Variants in ALDH5A1 observed in about 807,000 individuals in gnomAD.
The protein encoded by ALDH5A1 is succinate-semialdehyde dehydrogenase, mitochondrial.
Under a neutral mutation model 54.7 loss-of-function variants are expected in ALDH5A1, and 33 were observed. That is an observed-to-expected ratio of 0.60 (90% CI 0.46 to 0.81). The LOEUF is 0.81. ALDH5A1 is among the 30% of genes least tolerant of loss of function. The probability of loss-of-function intolerance (pLI) is 0.00; values close to 1 mark genes in which losing one functional copy is unlikely to be tolerated. For synonymous variants in ALDH5A1, 294 were observed against 292.7 expected (o/e 1.00, Z -0.05); for missense variants, 657 against 711.0 (o/e 0.92, Z 0.86).
chr6:24,521,925 G>A (rs1032740877), intron 6 of ALDH5A1, among the ~76,000 whole-genome samples: 7 of 145,442 alleles, frequency 4.8e-5, no homozygotes, highest in Non-Finnish European at 8.9e-5. Context: ...GAAGTGTAGT[G>A]GCATGATGTC....
At chr6:24,517,051 G>C (rs1759588838) in intron 5 of ALDH5A1, among the ~76,000 whole-genome samples, 1 of 152,160 alleles carries the variant, frequency 6.6e-6, no homozygotes, top group African/African-American at 2.4e-5. Flanking sequence ...CTGTTGCCCA[G>C]GCTGGAGTGC....
intron 1 of ALDH5A1, among the ~76,000 whole-genome samples, chr6:24,499,760 T>C (rs1764784741): frequency 6.7e-6 from 1 of 149,202 alleles, no homozygotes; most frequent in South Asian, 2.1e-4. Context: ...CTCCGCCTCC[T>C]AGGTTCTCCT....
At chr6:24,508,376 A>T (rs377526958) in intron 4 of ALDH5A1, among the ~76,000 whole-genome samples, 28,067 of 87,986 alleles carry the variant, frequency 0.32, 5,323 homozygotes, top group Non-Finnish European at 0.42. Flanking sequence ...AAAAAAAAAA[A>T]AAAAAAAAAA....
In ALDH5A1 at chr6:24,532,419, A is replaced by G. The variant is rs79855228; in HGVS notation, c.1402+242A>G. 0.018 allele frequency among the ~76,000 whole-genome samples: 2,800 copies of G among 152,288 alleles called. 85 individuals carry two copies. Among genetic ancestry groups the G allele is most frequent in the African/African-American group, 0.06 (2,481 of 41,542 alleles). Reference sequence around the variant, plus strand: ...GCTGTGGGAAGAAGAGAAGGTGCACATTATTCTACTTTTCTAGGTGGAGAA... The same window carrying G: ...GCTGTGGGAAGAAGAGAAGGTGCACGTTATTCTACTTTTCTAGGTGGAGAA... On this transcript the variant is annotated intron_variant, in intron 9 of 9. Transcript: ENST00000357578.
chr6:24,532,280 C>G, intron 9 of ALDH5A1, 103 bp downstream of exon 9: 2 of 1,146,436 alleles, frequency 1.7e-6, no homozygotes, highest in Non-Finnish European at 2.6e-6. Context: ...ACAGAAACTT[C>G]AATGAGGTAT....
In ALDH5A1 at chr6:24,509,285, A is replaced by G. The variant is rs1225117488; in HGVS notation, c.726+4300A>G. ...TAAGTTCTTGATTCATCTTGAGTTTATTTTGTATAAGGTGAGCGATGAGGA... is the reference window on the plus strand; with the variant it reads ...TAAGTTCTTGATTCATCTTGAGTTTGTTTTGTATAAGGTGAGCGATGAGGA... On this transcript the variant is annotated intron_variant, in intron 4 of 9. Coordinates refer to ENST00000357578, the MANE Select transcript of ALDH5A1 (RefSeq NM_001080.3). This position sits in a 1 kb window ranked among gnomAD's most constrained non-coding sequence, Gnocchi z 4.7. Among the ~76,000 whole-genome samples, 1 of 152,106 alleles carries G rather than the reference A, an allele frequency of 6.6e-6. No homozygotes were observed. Among genetic ancestry groups the G allele is most frequent in the Non-Finnish European group, 1.5e-5 (1 of 67,994 alleles).
At chr6:24,532,847 T>C (rs1759961640) in intron 9 of ALDH5A1, among the ~76,000 whole-genome samples, 1 of 152,100 alleles carries the variant, frequency 6.6e-6, no homozygotes, top group South Asian at 2.1e-4. Flanking sequence ...AGAGTTATCG[T>C]AAAGCTGGAG....
chr6:24,532,062 A>G, intron 8 of ALDH5A1, 57 bp from the exon 9 acceptor site: 2 of 1,523,696 alleles, frequency 1.3e-6, no homozygotes, highest in Non-Finnish European at 1.8e-6. Flanking sequence ...AGAAAACAAA[A>G]CTGGTTTCCT....
rs1760054653 is a variant in ALDH5A1 at position 24,536,639 on chromosome 6, G to A, written c.*2927G>A. The A allele has an allele frequency of 6.6e-6, 1 of 152,202 alleles. No individual in the cohort carries two copies. The highest frequency in any genetic ancestry group is 2.4e-5 in the African/African-American group (1 of 41,458). 9.4% of individuals were successfully genotyped at this position (152,202 alleles called of 1,614,324 possible). Reference sequence around the variant, plus strand: ...GCATAGCTACCGTGAGTTCTCAGCAGGAACTTCCCAGCGATGATAATGTAC... The same window carrying A: ...GCATAGCTACCGTGAGTTCTCAGCAAGAACTTCCCAGCGATGATAATGTAC... On this transcript the variant is annotated 3_prime_UTR_variant, in exon 10 of 10. Coordinates refer to ENST00000357578, the MANE Select transcript of ALDH5A1 (RefSeq NM_001080.3).
rs368394825 is a variant in ALDH5A1 at position 24,520,552 on chromosome 6, C to T, written c.1014+8C>T. 2.4e-5 allele frequency: 38 copies of T among 1,613,674 alleles called. No homozygotes were observed. In the African/African-American group the frequency reaches 3.7e-4, roughly 16 times the overall value. On this transcript the variant is annotated splice_region_variant and intron_variant, in intron 6 of 9. Transcript: ENST00000357578. Reference sequence around the variant, plus strand: ...TTTAGGAACACTGGACAGGTGAGTCCTGGAGAGTATTTCAGGATGTGTGTT... The same window carrying T: ...TTTAGGAACACTGGACAGGTGAGTCTTGGAGAGTATTTCAGGATGTGTGTT...
In ALDH5A1 at chr6:24,534,453, G is replaced by C. The variant is rs2127391492; in HGVS notation, c.*741G>C. 1 of 152,608 alleles carries C rather than the reference G, an allele frequency of 6.6e-6. No homozygotes were observed. Among genetic ancestry groups the C allele is most frequent in the South Asian group, 2.1e-4 (1 of 4,832 alleles). The allele number at this position is 152,608 out of a possible 1,614,324, so 9.5% of individuals were successfully genotyped here. A position where few individuals can be genotyped will look rare whatever the true frequency, so the allele number is the denominator to read the frequency against. The stretch of plus-strand genomic sequence containing the variant: ...AAGTGTAAAGCAAAGAATAGCAGAA[G>C]CAGCTTGGTAGGATGGAAGGCACGC... On this transcript the variant is annotated 3_prime_UTR_variant, in exon 10 of 10. Transcript: ENST00000357578.
intron 5 of ALDH5A1, among the ~76,000 whole-genome samples, chr6:24,519,448 C>T (rs145885204): frequency 3.9e-4 from 59 of 152,084 alleles, no homozygotes; most frequent in African/African-American, 1.3e-3. Context: ...GTCTGTAATG[C>T]CAGCTACTCA....
chr6:24,515,120 T>TTTTTTTTTG, intron 4 of ALDH5A1, 47 bp from the exon 5 acceptor site: 1 of 1,531,010 alleles, frequency 6.5e-7, no homozygotes, highest in Non-Finnish European at 8.8e-7. Flanking sequence ...TTTTTTTTTT[T>TTTTTTTTTG]TCAGTTTGGT....
chr6:24,533,772 C>A lies in ALDH5A1; in HGVS notation c.*60C>A. 1 of 1,452,456 alleles carries A rather than the reference C, an allele frequency of 6.9e-7. No individual in the cohort carries two copies. Among genetic ancestry groups the A allele is most frequent in the Non-Finnish European group, 9.6e-7 (1 of 1,045,030 alleles). The allele number at this position is 1,452,456 out of a possible 1,614,324, so 90.0% of individuals were successfully genotyped here. A position where few individuals can be genotyped will look rare whatever the true frequency, so the allele number is the denominator to read the frequency against. On this transcript the variant is annotated 3_prime_UTR_variant, in exon 10 of 10. Transcript: ENST00000357578. ...ACTTATCTACATATATAGGTACATG[C>A]CATCCATTATTTTAAATAAACTAAT... is the stretch of plus-strand genomic sequence containing the variant.
chr6:24,514,365 T>C (rs1454854430), intron 4 of ALDH5A1, among the ~76,000 whole-genome samples: 1 of 152,214 alleles, frequency 6.6e-6, no homozygotes, highest in East Asian at 1.9e-4. Flanking sequence ...TTTCTTGGCA[T>C]CTCCTTTGAT....
chr6:24,520,076 T>C (rs966578770), intron 5 of ALDH5A1, among the ~76,000 whole-genome samples: 2 of 152,096 alleles, frequency 1.3e-5, no homozygotes, highest in African/African-American at 2.4e-5. Flanking sequence ...TTTATTTATT[T>C]ATTTAATTTT....
rs373170904 is a variant in ALDH5A1, at chr6:24,503,629, G to A, written c.609+196G>A. On this transcript the variant is annotated intron_variant, in intron 3 of 9. Transcript: ENST00000357578. Reference sequence around the variant, plus strand: ...GATGTTAGGTGTGGTGGCAGTGAGTGGAATGATGCATTTCTAATGCCTGCA... The same window carrying A: ...GATGTTAGGTGTGGTGGCAGTGAGTAGAATGATGCATTTCTAATGCCTGCA... Among the ~76,000 whole-genome samples, 75 of 152,298 alleles carry A rather than the reference G, an allele frequency of 4.9e-4. 2 individuals are homozygous for A. In the South Asian group the frequency reaches 0.015, roughly 30 times the overall value.
chr6:24,530,462 A>G (rs1018465934), intron 8 of ALDH5A1, among the ~76,000 whole-genome samples: 2 of 152,162 alleles, frequency 1.3e-5, no homozygotes, highest in Non-Finnish European at 2.9e-5. Context: ...GACATCTTGT[A>G]ATTTTCCCTG....
Position 24,520,479 on chromosome 6 carries a change from G to T in ALDH5A1, c.949G>T (p.Asp317Tyr). Residue 317 changes from aspartate to tyrosine, a missense_variant, in exon 6 of 10, where the codon GAC becomes TAC. Asp to Tyr is a radical substitution (Grantham distance 160). Coordinates refer to ENST00000357578, the MANE Select transcript of ALDH5A1 (RefSeq NM_001080.3). ...CGGCCTTGCTCCATTTATAGTATTT[G>T]ACAGTGCCAACGTGGACCAGGCTGT... is the stretch of plus-strand genomic sequence containing the variant. ...LGGLAPFIVF[D>Y]SANVDQAVAG... 3 of 1,614,162 alleles carry T rather than the reference G, an allele frequency of 1.9e-6. No individual in the cohort carries two copies. The highest frequency in any genetic ancestry group is 2.5e-6 in the Non-Finnish European group (3 of 1,180,046).
Sources: gnomAD v4.1 joint callset for allele counts (sites outside exome capture counted in the v4.1 genomes callset) on GRCh38, gnomAD v4.1.1 for gene constraint, Gnocchi (gnomAD v3.1) non-coding constraint, MANE v1.5 for transcripts, NCBI Gene and HGNC (gene_info 2026-07-23, HGNC 2026-07-21) for gene names.